Variants in LAMC2 observed in about 807,000 individuals in gnomAD.
The protein encoded by LAMC2 is laminin subunit gamma 2, also known as laminin subunit gamma-2.
LAMC2 carries 97 observed loss-of-function variants against 140.2 expected under a neutral mutation model. That is an observed-to-expected ratio of 0.69 (90% confidence interval 0.59 to 0.82). The LOEUF is 0.82. Among genes scored for constraint, LAMC2 ranks in the 40% least tolerant of loss-of-function variants. The pLI is 0.00. For missense variants in LAMC2, 1,402 were observed against 1,476.1 expected (o/e 0.95, Z 0.82); for synonymous variants, 513 against 540.2 (o/e 0.95, Z 0.70).
In LAMC2 at chr1:183,237,248, C is replaced by T. The variant is rs976338498; in HGVS notation, c.2602-104C>T. The T allele has an allele frequency of 2.0e-5, 27 of 1,340,652 alleles. No homozygotes were observed. The African/African-American group carries it at 3.6e-4, about 18-fold the overall frequency. The allele number at this position is 1,340,652 out of a possible 1,614,324, so 83.0% of individuals were successfully genotyped here. On this transcript the variant is annotated intron_variant, in intron 17 of 22. Coordinates refer to ENST00000264144, the MANE Select transcript of LAMC2 (RefSeq NM_005562.3). ...TGGCTAGTGACTATTTTCTTGGCTT[C>T]TTAAGGCTGTTGCTATTTTCAAACA...
the LAMC2 span, among the ~76,000 whole-genome samples, chr1:183,258,246 C>T: frequency 2.6e-5 from 4 of 152,170 alleles, no homozygotes; most frequent in African/African-American, 7.2e-5. Flanking sequence ...CAGACCCAAA[C>T]GAACTATTTG....
Position 183,239,508 on chromosome 1 carries a change from A to G in LAMC2, c.3014A>G (p.Gln1005Arg), listed in dbSNP as rs781587803. ...RALGSAAADA[Q>R]RAKNGAGEAL... ...CTGGGGAGCGCTGCTGCTGATGCAC[A>G]GAGGGCAAAGAATGGGGCCGGGGAG... Residue 1005 changes from glutamine (Q) to arginine (R), a missense_variant, in exon 20 of 23, where the codon CAG becomes CGG. Gln to Arg is a conservative substitution (Grantham distance 43). Transcript: ENST00000264144. The G allele has an allele frequency of 1.6e-5, 26 of 1,613,310 alleles. No homozygotes were observed. In the Admixed American group the frequency reaches 4.2e-4, roughly 26 times the overall value.
intron 4 of LAMC2, among the ~76,000 whole-genome samples, chr1:183,219,096 A>G (rs16860577): frequency 0.016 from 2,383 of 152,304 alleles, 66 homozygotes; most frequent in African/African-American, 0.055. Context: ...TGCCTTAAGT[A>G]CAACTGTGCT....
At chr1:183,206,352 A>T (rs1374165209) in intron 1 of LAMC2, among the ~76,000 whole-genome samples, 3 of 152,182 alleles carry the variant, frequency 2.0e-5, no homozygotes. Flanking sequence ...CATTAGATGT[A>T]CGTGGTCACC....
At chr1:183,231,473 T>C (rs112421325) in intron 12 of LAMC2, among the ~76,000 whole-genome samples, 2 of 152,224 alleles carry the variant, frequency 1.3e-5, no homozygotes, top group African/African-American at 4.8e-5. Flanking sequence ...ATCCCACCCA[T>C]GTCCCCTAAC....
rs921758277 is a variant in LAMC2, at chr1:183,228,156, C to T, written c.1469-218C>T. Among the ~76,000 whole-genome samples, 2 of 152,174 alleles carry T rather than the reference C, an allele frequency of 1.3e-5. No individual in the cohort carries two copies. The highest frequency in any genetic ancestry group is 2.9e-5 in the Non-Finnish European group (2 of 68,020). On this transcript the variant is annotated intron_variant, in intron 10 of 22. Transcript: ENST00000264144. The surrounding 1 kb of genome is among the most constrained non-coding windows in gnomAD (Gnocchi z 4.3). Reference sequence around the variant, plus strand: ...CTTTTTCCCAGCCAGCTAGTTAAGCCTCCTAGTGGCGCTACTGTGTTCTGC... The same window carrying T: ...CTTTTTCCCAGCCAGCTAGTTAAGCTTCCTAGTGGCGCTACTGTGTTCTGC...
chr1:183,217,713 T>C (rs1341907744), intron 3 of LAMC2, among the ~76,000 whole-genome samples: 1 of 152,132 alleles, frequency 6.6e-6, no homozygotes, highest in East Asian at 1.9e-4. Flanking sequence ...GAAAGTAGAC[T>C]GGTGGCTGCC....
rs748257688 is a variant in LAMC2, at chr1:183,186,438, C to G, written c.79+7C>G. On this transcript the variant is annotated splice_region_variant and intron_variant, in intron 1 of 22. Coordinates refer to ENST00000264144, the MANE Select transcript of LAMC2 (RefSeq NM_005562.3). ...GCCACCTCCAGGAGGGAAGGTGAGT[C>G]GGCTTCCACAAGGAAACATCTCAGC... 1.3e-5 allele frequency: 21 copies of G among 1,602,760 alleles called. No individual in the cohort carries two copies. The highest frequency in any genetic ancestry group is 1.7e-5 in the Non-Finnish European group (20 of 1,179,664).
the LAMC2 span, among the ~76,000 whole-genome samples, chr1:183,257,551 A>G: frequency 3.3e-5 from 5 of 152,202 alleles, no homozygotes; most frequent in African/African-American, 1.2e-4. Flanking sequence ...TACTACTTCA[A>G]TCTATTTGTT....
intron 1 of LAMC2, among the ~76,000 whole-genome samples, chr1:183,198,762 C>T (rs1658606168): frequency 6.6e-6 from 1 of 152,220 alleles, no homozygotes; most frequent in African/African-American, 2.4e-5. Context: ...CAGCCCTAGG[C>T]TCGCTGCCCG....
the LAMC2 span, chr1:183,252,839 C>T: frequency 1.1e-5 from 10 of 874,914 alleles, no homozygotes; most frequent in Admixed American, 1.9e-5. Flanking sequence ...CCATTTGTAG[C>T]CTTTTCTCAG....
Position 183,215,516 on chromosome 1 carries a change from C to A in LAMC2, c.332C>A (p.Ala111Asp). 6.2e-7 allele frequency: 1 copy of A among 1,614,176 alleles called. No individual in the cohort carries two copies. Among genetic ancestry groups the A allele is most frequent in the South Asian group, 1.1e-5 (1 of 91,076 alleles). The change falls in exon 3 of 23, where the codon GCC (alanine) becomes GAC (aspartate). Residue 111 changes from alanine (A) to aspartate (D), a missense_variant. By Grantham distance (126) the Ala-to-Asp change is moderately radical. This residue lies in a region of LAMC2 where 723 missense variants were observed against 783.3 expected (regional missense o/e 0.92). Coordinates refer to ENST00000264144, the MANE Select transcript of LAMC2 (RefSeq NM_005562.3). ...AGCTGTAAACCAGGTGTGACAGGAG[C>A]CAGATGCGACCGATGTCTGCCAGGC... ...RCSCKPGVTG[A>D]RCDRCLPGFH... is the part of the protein sequence containing the mutation.
chr1:183,229,728 C>G (rs1052454972), intron 11 of LAMC2, among the ~76,000 whole-genome samples: 1 of 151,782 alleles, frequency 6.6e-6, no homozygotes, highest in Non-Finnish European at 1.5e-5. Flanking sequence ...TTGCATGGAG[C>G]TCACAGCCTC....
Position 183,227,528 on chromosome 1 carries a change from A to T in LAMC2, c.1299A>T (p.Ser433=), listed in dbSNP as rs1317817637. 1 of 1,613,904 alleles carries T rather than the reference A, an allele frequency of 6.2e-7. No homozygotes were observed. Among genetic ancestry groups the T allele is most frequent in the South Asian group, 1.1e-5 (1 of 91,072 alleles). The change falls in exon 10 of 23, where the codon TCA becomes TCT. Residue 433 remains serine (S), a synonymous_variant. Coordinates refer to ENST00000264144, the MANE Select transcript of LAMC2 (RefSeq NM_005562.3). ...ACDPDTGDCY[S]GDENPDIECA... is the part of the protein sequence containing the mutation. Reference sequence around the variant, plus strand: ...TCCTACCCCCAGGAGATTGTTATTCAGGGGATGAGAATCCTGACATTGAGT... The same window carrying T: ...TCCTACCCCCAGGAGATTGTTATTCTGGGGATGAGAATCCTGACATTGAGT...
At chr1:183,235,777 C>A in intron 16 of LAMC2, 47 bp downstream of exon 16, 5 of 1,604,862 alleles carry the variant, frequency 3.1e-6, no homozygotes, top group Non-Finnish European at 4.3e-6. Flanking sequence ...CTTGGATACT[C>A]CCAGGGCAAA....
At chr1:183,218,737 G>A (rs907986137) in intron 4 of LAMC2, among the ~76,000 whole-genome samples, 2 of 152,058 alleles carry the variant, frequency 1.3e-5, no homozygotes, top group African/African-American at 4.8e-5. Context: ...TTTGACTTTG[G>A]GAGAGGCACA....
At chr1:183,237,272 C>A in intron 17 of LAMC2, 80 bp from the exon 18 acceptor site, 1 of 1,513,416 alleles carries the variant, frequency 6.6e-7, no homozygotes, top group Non-Finnish European at 9.2e-7. Flanking sequence ...TATTTTCAAA[C>A]AATGGTGCCA....
rs1659703085 is a variant in LAMC2, at chr1:183,228,545, G to T, written c.1640G>T (p.Gly547Val). ...TTGAAGTGTATCCACAACACAGCCG[G>T]CATCTACTGCGACCAGTGCAAAGCA... is the stretch of plus-strand genomic sequence containing the variant. ...RCLKCIHNTA[G>V]IYCDQCKAGY... Residue 547 changes from glycine to valine, a missense_variant, in exon 11 of 23, where the codon GGC becomes GTC. Gly to Val is a moderately radical substitution (Grantham distance 109, BLOSUM62 -3). Transcript: ENST00000264144. This position sits in a 1 kb window ranked among gnomAD's most constrained non-coding sequence, Gnocchi z 4.3. 1 of 1,613,996 alleles carries T rather than the reference G, an allele frequency of 6.2e-7. No homozygotes were observed. Among genetic ancestry groups the T allele is most frequent in the East Asian group, 2.2e-5 (1 of 44,844 alleles).
chr1:183,208,789 C>T, intron 2 of LAMC2, among the ~76,000 whole-genome samples: 1 of 152,090 alleles, frequency 6.6e-6, no homozygotes, highest in Non-Finnish European at 1.5e-5. Flanking sequence ...AAGCGATTCC[C>T]CTGCCTTAGC....
Sources: allele counts gnomAD v4.1 joint callset (sites outside exome capture counted in the v4.1 genomes callset), GRCh38; gene constraint gnomAD v4.1.1; regional missense constraint gnomAD v4.1.1; non-coding constraint Gnocchi (gnomAD v3.1); transcripts MANE v1.5; gene names NCBI Gene and HGNC (gene_info 2026-07-23, HGNC 2026-07-21).